DUS2: variants seen among roughly 807,000 people sequenced by gnomAD.
DUS2 encodes tRNA-dihydrouridine(20) synthase [NAD(P)+]-like.
Under a neutral mutation model 71.3 loss-of-function variants are expected in DUS2, and 52 were observed. That is an observed-to-expected ratio of 0.73 (90% confidence interval 0.58 to 0.92). DUS2 has a LOEUF of 0.92. Among genes scored for constraint, DUS2 ranks in the 40% least tolerant of loss-of-function variants. DUS2 has a pLI of 0.00. For missense variants in DUS2, 558 were observed against 622.6 expected (o/e 0.90, Z 1.10); for synonymous variants, 204 against 227.8 (o/e 0.90, Z 0.94).
At chr16:68,040,718 G>C (rs2033612495) in intron 3 of DUS2, among the ~76,000 whole-genome samples, 1 of 152,050 alleles carries the variant, frequency 6.6e-6, no homozygotes. Context: ...GGCTGGGACT[G>C]GGCCCCCGGG....
rs2033334048 is a variant in DUS2 at position 68,025,423 on chromosome 16, C to G, written c.-90C>G. ...GTGCCACTGTTTTTCAGATATCAAACAAAGAATTACTCTGTACAAAGCCAG... is the reference window on the plus strand; with the variant it reads ...GTGCCACTGTTTTTCAGATATCAAAGAAAGAATTACTCTGTACAAAGCCAG... On this transcript the variant is annotated 5_prime_UTR_variant, in exon 2 of 17. Coordinates refer to ENST00000565263, the MANE Select transcript of DUS2 (RefSeq NM_017803.5). 6.6e-6 allele frequency: 1 copy of G among 151,368 alleles called. No homozygotes were observed. The highest frequency in any genetic ancestry group is 2.4e-5 in the African/African-American group (1 of 41,200). The allele number at this position is 151,368 out of a possible 1,614,324, so 9.4% of individuals were successfully genotyped here. A position where few individuals can be genotyped will look rare whatever the true frequency, so the allele number is the denominator to read the frequency against.
chr16:68,035,489 C>T (rs2151411866), intron 2 of DUS2, among the ~76,000 whole-genome samples: 1 of 151,668 alleles, frequency 6.6e-6, no homozygotes, highest in Non-Finnish European at 1.5e-5. Context: ...CTCATGTCAT[C>T]ATTCTGCCTC....
intron 2 of DUS2, among the ~76,000 whole-genome samples, chr16:68,033,080 T>C (rs2033464813): frequency 6.6e-6 from 1 of 151,944 alleles, no homozygotes; most frequent in African/African-American, 2.4e-5. Context: ...TGGGAAGCCA[T>C]TGAAAGGTAT....
At chr16:68,072,762 G>T (rs917762006) in intron 12 of DUS2, among the ~76,000 whole-genome samples, 1 of 152,196 alleles carries the variant, frequency 6.6e-6, no homozygotes, top group Non-Finnish European at 1.5e-5. Flanking sequence ...ACCCAATACT[G>T]CTCTCCTGCC....
intron 7 of DUS2, among the ~76,000 whole-genome samples, chr16:68,058,269 G>T (rs1567477886): frequency 6.6e-6 from 1 of 150,804 alleles, no homozygotes; most frequent in African/African-American, 2.4e-5. Context: ...TTGTCGTGCA[G>T]GCTGGAGTGT....
intron 2 of DUS2, among the ~76,000 whole-genome samples, chr16:68,029,059 G>A (rs1462849518): frequency 2.6e-5 from 4 of 151,970 alleles, no homozygotes; most frequent in Non-Finnish European, 5.9e-5. Flanking sequence ...CACAAAATTA[G>A]CTAGATGTGG....
intron 3 of DUS2, among the ~76,000 whole-genome samples, chr16:68,039,760 G>T (rs1362250987): frequency 6.6e-6 from 1 of 152,066 alleles, no homozygotes; most frequent in African/African-American, 2.4e-5. Flanking sequence ...GAGGAAGGAA[G>T]GAAGGAGGGA....
chr16:68,035,887 TATATATATA>T (rs1567470045), intron 2 of DUS2, among the ~76,000 whole-genome samples: 17 of 2,722 alleles, frequency 6.2e-3, no homozygotes, highest in Admixed American at 0.014. Context: ...GCTAATTTTA[TATATATATA>T]TATATATATA....
intron 3 of DUS2, 62 bp downstream of exon 3, chr16:68,038,211 T>C: frequency 6.2e-7 from 1 of 1,600,114 alleles, no homozygotes; most frequent in African/African-American, 1.4e-5. Context: ...TTCATTTGTG[T>C]GTGGGAGTGG....
intron 7 of DUS2, among the ~76,000 whole-genome samples, chr16:68,060,845 C>G (rs1215111445): frequency 1.3e-5 from 2 of 151,252 alleles, no homozygotes; most frequent in Non-Finnish European, 2.9e-5. Flanking sequence ...GAGAATCTGT[C>G]TCAAAAAAAA....
chr16:68,028,172 A>G (rs1264456857), intron 2 of DUS2, among the ~76,000 whole-genome samples: 1 of 152,152 alleles, frequency 6.6e-6, no homozygotes, highest in Admixed American at 6.6e-5. Flanking sequence ...CTGGAGGCAG[A>G]GAGACTGGTT....
At chr16:68,026,034 A>G (rs2033343828) in intron 2 of DUS2, among the ~76,000 whole-genome samples, 1 of 152,186 alleles carries the variant, frequency 6.6e-6, no homozygotes, top group Admixed American at 6.6e-5. Context: ...TCTGTCACCC[A>G]GGCTAGACTT....
At position 68,066,314 on chromosome 16, in the gene DUS2, C is replaced by G. The variant is rs2034003941; in HGVS notation, c.418-3C>G. ...AGGTGCTCTTGTGTTTTCCTTTCTG[C>G]AGATCCTCAGCACTCTTGTTAAAGG... is the stretch of plus-strand genomic sequence containing the variant. On this transcript the variant is annotated splice_polypyrimidine_tract_variant and splice_region_variant and intron_variant, in intron 8 of 16. Transcript: ENST00000565263. 1 of 1,613,948 alleles carries G rather than the reference C, an allele frequency of 6.2e-7. No homozygotes were observed. Among genetic ancestry groups the G allele is most frequent in the South Asian group, 1.1e-5 (1 of 91,088 alleles).
At chr16:68,027,601 T>C (rs2033372328) in intron 2 of DUS2, among the ~76,000 whole-genome samples, 1 of 152,246 alleles carries the variant, frequency 6.6e-6, no homozygotes, top group African/African-American at 2.4e-5. Flanking sequence ...GATTGTATGC[T>C]CTCTGATGAG....
chr16:68,052,714 C>T (rs915040727), intron 4 of DUS2, among the ~76,000 whole-genome samples: 3 of 151,664 alleles, frequency 2.0e-5, no homozygotes, highest in Non-Finnish European at 2.9e-5. Context: ...GCGATCTCAG[C>T]TCACTGCAAT....
chr16:68,053,965 C>G (rs537042492), intron 5 of DUS2: 1 of 323,160 alleles, frequency 3.1e-6, no homozygotes, highest in African/African-American at 2.1e-5. Flanking sequence ...TTACTCAGAT[C>G]ATAGTCTTTG....
intron 3 of DUS2, among the ~76,000 whole-genome samples, chr16:68,040,060 C>T (rs2033598705): frequency 6.6e-6 from 1 of 150,924 alleles, no homozygotes; most frequent in African/African-American, 2.4e-5. Flanking sequence ...AAGGTCAGGG[C>T]TTGAAGAGGA....
intron 1 of DUS2, among the ~76,000 whole-genome samples, chr16:68,024,967 G>A (rs183573592): frequency 4.4e-4 from 67 of 151,992 alleles, no homozygotes; most frequent in Admixed American, 7.9e-4. Context: ...GAGTAGCTGG[G>A]ATTAGAGGTG....
chr16:68,053,865 TTA>T, intron 5 of DUS2: 2 of 546,894 alleles, frequency 3.7e-6, no homozygotes, highest in Non-Finnish European at 6.5e-6. Flanking sequence ...TATCACAGTC[TTA>T]TATGTCTCTA....
Sources: gnomAD v4.1 joint callset for allele counts (sites outside exome capture counted in the v4.1 genomes callset) on GRCh38, gnomAD v4.1.1 for gene constraint, MANE v1.5 for transcripts, NCBI Gene and HGNC (gene_info 2026-07-23, HGNC 2026-07-21) for gene names.